The following RPS6KA6 variants were observed in gnomAD, a reference collection of about 807,000 sequenced individuals.
The protein encoded by RPS6KA6 is ribosomal protein S6 kinase alpha-6.
A neutral mutation model predicts 65.4 loss-of-function variants in RPS6KA6; 27 were observed. That is an observed-to-expected ratio of 0.41 (90% CI 0.30 to 0.57). The LOEUF is 0.57. RPS6KA6 is among the 20% of genes least tolerant of loss of function. The pLI, the probability that RPS6KA6 is intolerant of heterozygous loss-of-function variation, is 0.24. For synonymous variants in RPS6KA6, 190 were observed against 184.2 expected (o/e 1.03, Z -0.26); for missense variants, 486 against 555.6 (o/e 0.87, Z 1.26).
chrX:84,162,980 G>A (rs1162836408), intron 2 of RPS6KA6, among the ~76,000 whole-genome samples: 1 of 111,739 alleles, frequency 8.9e-6, no homozygotes, highest in African/African-American at 3.3e-5. Flanking sequence ...GTTGTTACAT[G>A]GTTACTAACT....
chrX:84,176,119 T>G, intron 1 of RPS6KA6, among the ~76,000 whole-genome samples: 1 of 111,868 alleles, frequency 8.9e-6, no homozygotes, highest in East Asian at 2.8e-4. Context: ...CATTTGAGTT[T>G]TTACAACCTT....
At chrX:84,134,756 A>C in intron 8 of RPS6KA6, 26 bp downstream of exon 8, 1 of 1,002,150 alleles carries the variant, frequency 1.0e-6, no homozygotes, top group Non-Finnish European at 1.4e-6. Context: ...CAAGTGGCTA[A>C]GGGTATAATA....
At chrX:84,076,001 G>T (rs1038101154) in intron 20 of RPS6KA6, among the ~76,000 whole-genome samples, 7 of 111,798 alleles carry the variant, frequency 6.3e-5, no homozygotes, top group African/African-American at 2.3e-4. Context: ...GATTACAGTG[G>T]TTAATAGCAG....
chrX:84,126,815 A>T (rs1343214294), intron 8 of RPS6KA6, among the ~76,000 whole-genome samples: 1 of 111,170 alleles, frequency 9.0e-6, no homozygotes, highest in East Asian at 2.8e-4. Flanking sequence ...TAGAAATACA[A>T]CATAAAAAAT....
intron 8 of RPS6KA6, among the ~76,000 whole-genome samples, chrX:84,132,247 A>T (rs2034910654): frequency 9.1e-6 from 1 of 110,228 alleles, no homozygotes; most frequent in African/African-American, 3.3e-5. Flanking sequence ...ATATAGCAAG[A>T]CTCCGTCGCC....
intron 12 of RPS6KA6, among the ~76,000 whole-genome samples, chrX:84,111,703 A>G (rs1392038031): frequency 8.9e-6 from 1 of 112,189 alleles, no homozygotes; most frequent in Non-Finnish European, 1.9e-5. Flanking sequence ...AAAGATGGAA[A>G]CAAAAGTATG....
At position 84,147,065 on chromosome X, in the gene RPS6KA6, A is replaced by G; in HGVS notation, c.341-7T>C. ...GTCCGAACTCTGTCTCGAACTAAAAATTACATAAAGGTACAATATATTGCT... is the reference window on the plus strand; with the variant it reads ...GTCCGAACTCTGTCTCGAACTAAAAGTTACATAAAGGTACAATATATTGCT... On this transcript the variant is annotated splice_region_variant and splice_polypyrimidine_tract_variant and intron_variant, in intron 4 of 21. Coordinates refer to ENST00000262752, the MANE Select transcript of RPS6KA6 (RefSeq NM_014496.5). 2 of 1,080,690 alleles carry G rather than the reference A, an allele frequency of 1.9e-6. No individual in the cohort carries two copies. The highest frequency in any genetic ancestry group is 1.3e-6 in the Non-Finnish European group (1 of 783,969). The allele number at this position is 1,080,690 out of a possible 1,213,427, so 89.1% of individuals were successfully genotyped here.
chrX:84,156,039 G>A (rs2035410779), intron 3 of RPS6KA6, 36 bp downstream of exon 3: 1 of 815,993 alleles, frequency 1.2e-6, no homozygotes, highest in African/African-American at 2.0e-5. Context: ...TAAATGTTTA[G>A]AAGAGGAACA....
chrX:84,118,995 A>G (rs1260701281), intron 9 of RPS6KA6, among the ~76,000 whole-genome samples: 1 of 111,834 alleles, frequency 8.9e-6, no homozygotes, highest in Non-Finnish European at 1.9e-5. Flanking sequence ...GTCTTTGCTA[A>G]TATGATCACA....
At chrX:84,129,155 T>C (rs2034848181) in intron 8 of RPS6KA6, among the ~76,000 whole-genome samples, 1 of 111,056 alleles carries the variant, frequency 9.0e-6, no homozygotes, top group Non-Finnish European at 1.9e-5. Flanking sequence ...CAGGAAAAAG[T>C]CTAATAATCC....
intron 18 of RPS6KA6, among the ~76,000 whole-genome samples, chrX:84,099,271 G>C (rs1569383498): frequency 1.8e-5 from 2 of 111,244 alleles, no homozygotes; most frequent in Non-Finnish European, 3.8e-5. Context: ...AGGTAAAGAA[G>C]AAACAGTCCA....
chrX:84,164,221 C>A lies in RPS6KA6; in HGVS notation c.141+107G>T, dbSNP rs1238081096. ...TATTAATAATTCCATTTGCTTATTACCAACTTACCTGAATATATTTGTTTG... is the reference window on the plus strand; with the variant it reads ...TATTAATAATTCCATTTGCTTATTAACAACTTACCTGAATATATTTGTTTG... On this transcript the variant is annotated intron_variant, in intron 2 of 21. Transcript: ENST00000262752. 3 of 589,930 alleles carry A rather than the reference C, an allele frequency of 5.1e-6. No homozygotes were observed. The African/African-American group carries it at 7.0e-5, about 14-fold the overall frequency. 48.6% of individuals were successfully genotyped at this position (589,930 alleles called of 1,213,427 possible).
chrX:84,184,904 C>T (rs367683965), intron 1 of RPS6KA6, among the ~76,000 whole-genome samples: 1 of 102,987 alleles, frequency 9.7e-6, no homozygotes, highest in Non-Finnish European at 2.0e-5. Flanking sequence ...TATAAAAGTA[C>T]TACACGTTTA....
intron 8 of RPS6KA6, among the ~76,000 whole-genome samples, chrX:84,126,886 CA>C (rs200829001): frequency 1.2e-4 from 13 of 108,310 alleles, no homozygotes; most frequent in Admixed American, 3.9e-4. Context: ...GTGCTTACAT[CA>C]AAAAAAAATT....
chrX:84,078,006 C>T (rs1421659554), intron 20 of RPS6KA6, among the ~76,000 whole-genome samples: 2 of 111,523 alleles, frequency 1.8e-5, no homozygotes, highest in Non-Finnish European at 3.8e-5. Flanking sequence ...ACATGATATA[C>T]GAAAGAAAAA....
intron 2 of RPS6KA6, among the ~76,000 whole-genome samples, chrX:84,159,787 A>G (rs981494456): frequency 9.0e-6 from 1 of 110,817 alleles, no homozygotes; most frequent in African/African-American, 3.3e-5. Flanking sequence ...ATTAAGGTAA[A>G]ATGAGGCCAT....
chrX:84,154,485 G>A (rs1338298536), intron 3 of RPS6KA6, among the ~76,000 whole-genome samples: 1 of 110,768 alleles, frequency 9.0e-6, no homozygotes, highest in African/African-American at 3.3e-5. Context: ...TTATACATCT[G>A]GAATATAAAA....
intron 1 of RPS6KA6, among the ~76,000 whole-genome samples, chrX:84,172,262 G>C (rs966330491): frequency 9.0e-6 from 1 of 111,522 alleles, no homozygotes; most frequent in Admixed American, 9.5e-5. Flanking sequence ...ACCCATTAAT[G>C]GGATTGCTAG....
At chrX:84,174,612 C>T (rs1859819822) in intron 1 of RPS6KA6, among the ~76,000 whole-genome samples, 1 of 111,920 alleles carries the variant, frequency 8.9e-6, no homozygotes, top group Admixed American at 9.5e-5. Flanking sequence ...TATGAATGAT[C>T]TTTGGAGTAT....
Sources: gnomAD v4.1 joint callset for allele counts (sites outside exome capture counted in the v4.1 genomes callset) on GRCh38, gnomAD v4.1.1 for gene constraint, MANE v1.5 for transcripts, NCBI Gene and HGNC (gene_info 2026-07-23, HGNC 2026-07-21) for gene names.